The following RGS7 variants were observed in gnomAD, a reference collection of about 807,000 sequenced individuals.
The protein encoded by RGS7 is regulator of G protein signaling 7.
A neutral mutation model predicts 81.1 loss-of-function variants in RGS7; 27 were observed. The observed-to-expected ratio is 0.33, with a 90% CI of 0.25 to 0.46. RGS7 has a LOEUF of 0.46. Among genes scored for constraint, RGS7 ranks in the 20% least tolerant of loss-of-function variants. The probability of loss-of-function intolerance (pLI) is 1.00; values close to 1 mark genes in which losing one functional copy is unlikely to be tolerated. For synonymous variants in RGS7, 208 were observed against 207.7 expected (o/e 1.00, Z -0.01); for missense variants, 396 against 607.4 (o/e 0.65, Z 3.66).
At chr1:241,099,028 C>T (rs1193474248) in intron 2 of RGS7, among the ~76,000 whole-genome samples, 1 of 152,092 alleles carries the variant, frequency 6.6e-6, no homozygotes, top group Non-Finnish European at 1.5e-5. Context: ...ATTTCATGTA[C>T]CTTGGTTATA....
At position 240,775,578 on chromosome 1, in the gene RGS7, A is replaced by C. The variant is rs1288955536; in HGVS notation, c.*642T>G. The C allele has an allele frequency of 6.5e-6, 1 of 153,278 alleles. No homozygotes were observed. The highest frequency in any genetic ancestry group is 1.5e-5 in the Non-Finnish European group (1 of 68,528). The allele number at this position is 153,278 out of a possible 1,614,324, so 9.5% of individuals were successfully genotyped here. On this transcript the variant is annotated 3_prime_UTR_variant, in exon 19 of 19. Coordinates refer to ENST00000440928, the MANE Select transcript of RGS7 (RefSeq NM_001364886.1). ...ATAAACATACACAAATTTACAGAGA[A>C]GGGATCAACTTTAATACATTTGGAG...
At chr1:241,108,981 C>A (rs1434755423) in intron 2 of RGS7, among the ~76,000 whole-genome samples, 1 of 152,102 alleles carries the variant, frequency 6.6e-6, no homozygotes, top group Admixed American at 6.6e-5. Flanking sequence ...TATACGAACT[C>A]CTTACCTCCT....
chr1:241,086,238 C>G (rs745832030), intron 3 of RGS7, among the ~76,000 whole-genome samples: 2 of 152,156 alleles, frequency 1.3e-5, no homozygotes, highest in African/African-American at 4.8e-5. Flanking sequence ...GTGAATATAG[C>G]CAAAACATAT....
Position 240,933,074 on chromosome 1 carries a change from G to A in RGS7, c.334-2306C>T, listed in dbSNP as rs543831167. ...ATTTTTTGTATTTTCAGTAGAGACG[G>A]GGTTTCACCGTGTTAGCCAGGATGG... On this transcript the variant is annotated intron_variant, in intron 5 of 18. Coordinates refer to ENST00000440928, the MANE Select transcript of RGS7 (RefSeq NM_001364886.1). Among the ~76,000 whole-genome samples the A allele has an allele frequency of 7.5e-4, 112 of 149,258 alleles. 1 individual carries two copies. The highest frequency in any genetic ancestry group is 1.7e-3 in the Admixed American group (26 of 14,882).
intron 4 of RGS7, among the ~76,000 whole-genome samples, chr1:240,949,637 C>T (rs184498376): frequency 1.6e-3 from 245 of 152,176 alleles, no homozygotes; most frequent in African/African-American, 5.6e-3. Context: ...CACCCGAGGT[C>T]AGGAGTTTGA....
chr1:241,118,122 A>G (rs1572763349), intron 2 of RGS7, among the ~76,000 whole-genome samples: 1 of 152,364 alleles, frequency 6.6e-6, no homozygotes, highest in East Asian at 1.9e-4. Flanking sequence ...ATAAAAATTA[A>G]AATAGATTTT....
At chr1:241,295,604 G>A (rs1422365466) in intron 2 of RGS7, among the ~76,000 whole-genome samples, 1 of 152,220 alleles carries the variant, frequency 6.6e-6, no homozygotes, top group Non-Finnish European at 1.5e-5. Flanking sequence ...TTGGAGAACT[G>A]GGATGTGTGA....
intron 2 of RGS7, among the ~76,000 whole-genome samples, chr1:241,155,093 T>A (rs955220690): frequency 6.6e-6 from 1 of 152,184 alleles, no homozygotes; most frequent in African/African-American, 2.4e-5. Flanking sequence ...AATATTGCAA[T>A]ACAATCATTT....
intron 9 of RGS7, among the ~76,000 whole-genome samples, chr1:240,850,444 A>C (rs1659901544): frequency 6.6e-6 from 1 of 152,224 alleles, no homozygotes; most frequent in African/African-American, 2.4e-5. Flanking sequence ...TGGCAAACCT[A>C]ATTGATAAAT....
intron 2 of RGS7, among the ~76,000 whole-genome samples, chr1:241,345,081 G>A (rs143748432): frequency 4.6e-5 from 7 of 152,306 alleles, no homozygotes; most frequent in African/African-American, 1.7e-4. Flanking sequence ...CATGTCTTTT[G>A]TGGGAACATG....
intron 2 of RGS7, among the ~76,000 whole-genome samples, chr1:241,287,733 A>G (rs2078896059): frequency 7.1e-6 from 1 of 141,704 alleles, no homozygotes; most frequent in Admixed American, 7.2e-5. Flanking sequence ...ACACACACAC[A>G]TTCAAACACA....
chr1:241,156,104 C>A (rs1187238221), intron 2 of RGS7, among the ~76,000 whole-genome samples: 1 of 146,916 alleles, frequency 6.8e-6, no homozygotes, highest in Non-Finnish European at 1.5e-5. Context: ...ACACACACAC[C>A]TGAGATAGAG....
chr1:241,287,192 T>C (rs1037614629), intron 2 of RGS7, among the ~76,000 whole-genome samples: 11 of 152,192 alleles, frequency 7.2e-5, no homozygotes, highest in Non-Finnish European at 1.6e-4. Flanking sequence ...AATTGACAAG[T>C]GGCAATGAGG....
At chr1:241,101,502 A>T (rs2064736193) in intron 2 of RGS7, among the ~76,000 whole-genome samples, 1 of 152,122 alleles carries the variant, frequency 6.6e-6, no homozygotes, top group African/African-American at 2.4e-5. Context: ...CCTCAAAAAC[A>T]AAAAATAAAT....
chr1:241,031,076 G>A (rs950078691), intron 3 of RGS7, among the ~76,000 whole-genome samples: 11 of 152,236 alleles, frequency 7.2e-5, no homozygotes, highest in Admixed American at 1.3e-4. Flanking sequence ...CTCAAATTAG[G>A]TACATTGTAC....
intron 2 of RGS7, among the ~76,000 whole-genome samples, chr1:241,158,547 G>C (rs1445169333): frequency 1.3e-5 from 2 of 152,148 alleles, no homozygotes; most frequent in East Asian, 3.8e-4. Context: ...AACAACATTT[G>C]TCAAGTAAGT....
At chr1:240,816,892 T>G (rs778725518) in intron 10 of RGS7, among the ~76,000 whole-genome samples, 5 of 152,198 alleles carry the variant, frequency 3.3e-5, no homozygotes, top group Non-Finnish European at 7.3e-5. Flanking sequence ...CTGATTTGAT[T>G]TCTGATGGTG....
rs1449250395 is a variant in RGS7, at chr1:240,800,678, G to A, written c.1457C>T (p.Pro486Leu). Residue 486 changes from proline (P) to leucine (L), a missense_variant, in exon 18 of 19, where the codon CCA (proline) becomes CTA (leucine). Coordinates refer to ENST00000440928, the MANE Select transcript of RGS7 (RefSeq NM_001364886.1). ...CAGGTTAGTGCTGGCCCTCAGTGTT[G>A]GTGTACAGTTTTTATGGCATGGGAA... ...PIFPCHKNCT[P>L]TLRASTNLL 2 of 1,547,450 alleles carry A rather than the reference G, an allele frequency of 1.3e-6. No individual in the cohort carries two copies. The highest frequency in any genetic ancestry group is 8.7e-7 in the Non-Finnish European group (1 of 1,144,744).
Position 241,030,377 on chromosome 1 carries a change from T to TATATATATAC in RGS7, c.176-47249_176-47248insGTATATATAT, listed in dbSNP as rs71793632. On this transcript the variant is annotated intron_variant, in intron 3 of 18. Transcript: ENST00000440928. ...AACTTATAGCATATATATATATACA[T>TATATATATAC]ACACACATACATACACACACACACT... 9.1e-4 allele frequency among the ~76,000 whole-genome samples: 125 copies of TATATATATAC among 137,436 alleles called. 1 individual carries two copies. Among genetic ancestry groups the TATATATATAC allele is most frequent in the African/African-American group, 3.1e-3 (110 of 35,952 alleles). 90.2% of individuals were successfully genotyped at this position (137,436 alleles called of 152,430 possible).
Sources: allele counts gnomAD v4.1 joint callset (sites outside exome capture counted in the v4.1 genomes callset), GRCh38; gene constraint gnomAD v4.1.1; transcripts MANE v1.5; gene names NCBI Gene and HGNC (gene_info 2026-07-23, HGNC 2026-07-21).